TRDN: variants seen among roughly 807,000 people sequenced by gnomAD.
TRDN encodes the protein triadin in skeletal muscle.
A neutral mutation model predicts 149.7 loss-of-function variants in TRDN; 161 were observed. The observed-to-expected ratio is 1.08, with a 90% CI of 0.95 to 1.23. The LOEUF (loss-of-function observed/expected upper bound fraction) is 1.23, where lower values mean the gene tolerates loss of function less well. TRDN is among the 50% of genes most tolerant of loss of function. The pLI, the probability that TRDN is intolerant of heterozygous loss-of-function variation, is 0.00. For synonymous variants in TRDN, 294 were observed against 250.5 expected, an observed-to-expected ratio of 1.17 and a Z score of -1.64; for missense variants, 896 against 823.5, an observed-to-expected ratio of 1.09 and a Z score of -1.08.
chr6:123,609,262 C>T (rs1313811858), intron 1 of TRDN, among the ~76,000 whole-genome samples: 1 of 151,856 alleles, frequency 6.6e-6, no homozygotes, highest in African/African-American at 2.4e-5. Flanking sequence ...TATATCCATG[C>T]ATATATATGT....
chr6:123,501,733 G>A (rs1778708149), intron 8 of TRDN: 1 of 601,334 alleles, frequency 1.7e-6, no homozygotes, highest in Non-Finnish European at 2.1e-6. Context: ...AATCACATTT[G>A]TGCTTTTGTT....
intron 38 of TRDN, 27 bp from the exon 39 acceptor site, chr6:123,224,158 A>G (rs775699530): frequency 2.5e-6 from 4 of 1,603,434 alleles, no homozygotes. Flanking sequence ...AGGCACATAG[A>G]ATCACAGTCA....
intron 21 of TRDN, chr6:123,351,684 T>C (rs1011306017): frequency 1.1e-6 from 1 of 938,202 alleles, no homozygotes; most frequent in African/African-American, 1.8e-5. Flanking sequence ...CAAAAGATCT[T>C]AACTTCTGAT....
chr6:123,235,506 A>C (rs140022081), intron 38 of TRDN, among the ~76,000 whole-genome samples: 14 of 152,280 alleles, frequency 9.2e-5, no homozygotes, highest in African/African-American at 3.4e-4. Flanking sequence ...CCAGCTAGGA[A>C]ATCTCAAAAA....
chr6:123,465,526 T>C (rs1776734374), intron 9 of TRDN, among the ~76,000 whole-genome samples: 1 of 149,530 alleles, frequency 6.7e-6, no homozygotes, highest in Non-Finnish European at 1.5e-5. Flanking sequence ...ATATATTCAG[T>C]TTTATAGAAC....
intron 2 of TRDN, among the ~76,000 whole-genome samples, chr6:123,565,616 G>A (rs1057289125): frequency 7.9e-5 from 12 of 152,140 alleles, no homozygotes; most frequent in Non-Finnish European, 1.5e-4. Flanking sequence ...TGGAAGGCAC[G>A]AATGTGGCAA....
At chr6:123,274,559 G>A (rs1777308162) in intron 27 of TRDN, 82 bp downstream of exon 27, 1 of 1,264,732 alleles carries the variant, frequency 7.9e-7, no homozygotes, top group East Asian at 2.4e-5. Flanking sequence ...TGTCTCCCTA[G>A]TGAGATGTAA....
intron 12 of TRDN, among the ~76,000 whole-genome samples, chr6:123,397,047 GA>G (rs5879676): frequency 0.17 from 25,758 of 147,922 alleles, 2,403 homozygotes; most frequent in African/African-American, 0.27. Flanking sequence ...TCCCATCTCT[GA>G]AAAAAAAAAC....
At chr6:123,365,680 T>A (rs960690235) in intron 20 of TRDN, among the ~76,000 whole-genome samples, 1 of 152,202 alleles carries the variant, frequency 6.6e-6, no homozygotes, top group Non-Finnish European at 1.5e-5. Context: ...CCAATATATT[T>A]CTTAAAGCAA....
chr6:123,419,353 C>T (rs1195851851), intron 12 of TRDN, among the ~76,000 whole-genome samples: 3 of 152,164 alleles, frequency 2.0e-5, no homozygotes, highest in African/African-American at 4.8e-5. Context: ...TTGCTTTAGC[C>T]TTTACACATG....
intron 38 of TRDN, among the ~76,000 whole-genome samples, chr6:123,224,575 A>G (rs1775286839): frequency 6.6e-6 from 1 of 151,808 alleles, no homozygotes; most frequent in Admixed American, 6.6e-5. Context: ...CTTTTTGACA[A>G]TTCTAAAAAG....
At chr6:123,375,440 G>A (rs568091995) in intron 19 of TRDN, among the ~76,000 whole-genome samples, 165 bp downstream of exon 19, 42 of 152,144 alleles carry the variant, frequency 2.8e-4, no homozygotes, top group Non-Finnish European at 3.5e-4. Context: ...ATGAATTCAC[G>A]GAAAAGACAG....
chr6:123,602,907 A>G (rs1784344562), intron 1 of TRDN, among the ~76,000 whole-genome samples: 1 of 151,986 alleles, frequency 6.6e-6, no homozygotes, highest in South Asian at 2.1e-4. Context: ...ACTTCATGCT[A>G]TTACTTCAGC....
intron 1 of TRDN, among the ~76,000 whole-genome samples, chr6:123,622,450 G>A (rs1263744131): frequency 6.6e-6 from 1 of 152,130 alleles, no homozygotes; most frequent in Admixed American, 6.6e-5. Flanking sequence ...TTTGGGAGGA[G>A]TCAAAGTTAT....
At chr6:123,303,537 T>A (rs1234125109) in intron 24 of TRDN, among the ~76,000 whole-genome samples, 23 of 152,110 alleles carry the variant, frequency 1.5e-4, no homozygotes, top group Admixed American at 1.4e-3. Context: ...TAGAAAGTCA[T>A]GGGCAGGTGG....
chr6:123,375,333 T>C (rs1413102848), intron 19 of TRDN, among the ~76,000 whole-genome samples: 1 of 152,144 alleles, frequency 6.6e-6, no homozygotes, highest in Non-Finnish European at 1.5e-5. Flanking sequence ...TCACTTATTA[T>C]ACTGCAAAAT....
At position 123,495,528 on chromosome 6, in the gene TRDN, T is replaced by TA. The variant is rs59876547; in HGVS notation, c.853+1664dup. Among the ~76,000 whole-genome samples the TA allele has an allele frequency of 1.1e-3, 172 of 151,444 alleles. 1 individual carries two copies. The highest frequency in any genetic ancestry group is 3.6e-3 in the African/African-American group (150 of 41,198). On this transcript the variant is annotated intron_variant, in intron 9 of 40. Coordinates refer to ENST00000334268, the MANE Select transcript of TRDN (RefSeq NM_006073.4). ...GAGTGAGGCTCTGTCTCAAAAAAAA[T>TA]AAAAAAAATAAAAAATTTGTACAGA...
intron 21 of TRDN, 91 bp downstream of exon 21, chr6:123,352,448 T>TAAC: frequency 1.9e-6 from 3 of 1,551,642 alleles, no homozygotes; most frequent in Non-Finnish European, 2.6e-6. Flanking sequence ...TTAAAGGTTA[T>TAAC]TGTCTTCCGC....
chr6:123,454,419 A>C (rs1775980336), intron 10 of TRDN, among the ~76,000 whole-genome samples: 1 of 152,236 alleles, frequency 6.6e-6, no homozygotes, highest in East Asian at 1.9e-4. Flanking sequence ...GAACCACAGT[A>C]ATTTCAAGAC....
Sources: allele counts gnomAD v4.1 joint callset (sites outside exome capture counted in the v4.1 genomes callset), GRCh38; gene constraint gnomAD v4.1.1; transcripts MANE v1.5; gene names NCBI Gene and HGNC (gene_info 2026-07-23, HGNC 2026-07-21).